Variants in ADCY2 observed in about 807,000 individuals in gnomAD.
ADCY2 encodes the protein adenylate cyclase type 2.
In ADCY2, 31 loss-of-function variants were observed where a neutral mutation model predicts 125.2. That is an observed-to-expected ratio of 0.25 (90% CI 0.19 to 0.33). The LOEUF (loss-of-function observed/expected upper bound fraction) is 0.33. Ranked by LOEUF, ADCY2 falls within the 10% of genes least tolerant of loss-of-function variation. The pLI, the probability that ADCY2 is intolerant of heterozygous loss-of-function variation, is 1.00. For synonymous variants in ADCY2, 512 were observed against 548.4 expected (o/e 0.93, Z 0.93); for missense variants, 904 against 1,418.2 (o/e 0.64, Z 5.82).
intron 2 of ADCY2, among the ~76,000 whole-genome samples, chr5:7,416,003 C>T (rs752352352): frequency 1.3e-4 from 19 of 151,992 alleles, no homozygotes; most frequent in Non-Finnish European, 2.5e-4. Context: ...AATAGAGGAG[C>T]CATGATGGGG....
intron 3 of ADCY2, among the ~76,000 whole-genome samples, chr5:7,615,140 AG>A (rs1428310906): frequency 8.5e-5 from 13 of 152,182 alleles, no homozygotes; most frequent in Middle Eastern, 3.2e-3. Context: ...CACTATCACA[AG>A]AACAGCAAGG....
chr5:7,411,663 AAGAG>A lies in ADCY2; in HGVS notation c.211-2904_211-2901del, dbSNP rs1284646022. On this transcript the variant is annotated intron_variant, in intron 1 of 24. Coordinates refer to ENST00000338316, the MANE Select transcript of ADCY2 (RefSeq NM_020546.3). ...CATCTCGGGGATCTGATTTTTAAAAAAGAGAGAGAAAAAATAGAGAGTTTACAAT... is the reference window on the plus strand; with the variant it reads ...CATCTCGGGGATCTGATTTTTAAAAAAGAGAAAAAATAGAGAGTTTACAAT... Among the ~76,000 whole-genome samples the A allele has an allele frequency of 3.9e-5, 6 of 152,318 alleles. No homozygotes were observed. The Middle Eastern group carries it at 0.01, about 259-fold the overall frequency.
In ADCY2 at chr5:7,698,116, C is replaced by G. The variant is rs535441293; in HGVS notation, c.982-131C>G. ...GGTTGAGTAATGAAGGGAAGCCCAA[C>G]TGGTTCTCATTGCTCTCTCCAGATG... On this transcript the variant is annotated intron_variant, in intron 6 of 24. Transcript: ENST00000338316. 5 of 1,080,312 alleles carry G rather than the reference C, an allele frequency of 4.6e-6. No individual in the cohort carries two copies. In the South Asian group the frequency reaches 7.6e-5, roughly 16 times the overall value. The allele number at this position is 1,080,312 out of a possible 1,614,324, so 66.9% of individuals were successfully genotyped here. A position where few individuals can be genotyped will look rare whatever the true frequency, so the allele number is the denominator to read the frequency against.
intron 2 of ADCY2, among the ~76,000 whole-genome samples, chr5:7,492,451 G>A (rs965361215): frequency 1.6e-4 from 24 of 152,184 alleles, no homozygotes; most frequent in African/African-American, 5.8e-4. Flanking sequence ...CCAGCCCCTG[G>A]GAGCTCAGTT....
intron 22 of ADCY2, among the ~76,000 whole-genome samples, chr5:7,810,452 G>T (rs1001517227): frequency 3.3e-5 from 5 of 151,084 alleles, no homozygotes; most frequent in Non-Finnish European, 7.4e-5. Flanking sequence ...CTACCTAGTT[G>T]GTGGGTTTTC....
Position 7,447,215 on chromosome 5 carries a change from C to T in ADCY2, c.408+32445C>T, listed in dbSNP as rs544979737. 7.9e-5 allele frequency among the ~76,000 whole-genome samples: 12 copies of T among 152,248 alleles called. No homozygotes were observed. The South Asian group carries it at 2.5e-3, about 32-fold the overall frequency. ...CCAGAACAAAATCCCCCAAGCTCTT[C>T]TGCAACTCTCGGGTCTCTCCTGTGG... On this transcript the variant is annotated intron_variant, in intron 2 of 24. Transcript: ENST00000338316.
intron 4 of ADCY2, among the ~76,000 whole-genome samples, chr5:7,638,659 C>G (rs1168688612): frequency 6.6e-6 from 1 of 152,218 alleles, no homozygotes; most frequent in African/African-American, 2.4e-5. Context: ...TGGAATGCAG[C>G]AGCCATTTCA....
At chr5:7,455,695 AATT>A (rs922090306) in intron 2 of ADCY2, among the ~76,000 whole-genome samples, 20 of 146,710 alleles carry the variant, frequency 1.4e-4, no homozygotes, top group African/African-American at 2.8e-4. Context: ...TTGTTATATC[AATT>A]ATTAACATAA....
At chr5:7,606,508 A>G (rs1031755181) in intron 3 of ADCY2, among the ~76,000 whole-genome samples, 3 of 152,240 alleles carry the variant, frequency 2.0e-5, no homozygotes, top group Admixed American at 6.5e-5. Context: ...AGATTATTTT[A>G]CATTTAAATC....
intron 3 of ADCY2, among the ~76,000 whole-genome samples, chr5:7,625,760 C>G (rs73050146): frequency 0.045 from 6,921 of 152,270 alleles, 503 homozygotes; most frequent in African/African-American, 0.16. Context: ...CCATGTGTCT[C>G]TCATCCTGGG....
chr5:7,533,970 CTG>C (rs1224344778), intron 3 of ADCY2, among the ~76,000 whole-genome samples: 1 of 152,174 alleles, frequency 6.6e-6, no homozygotes, highest in Non-Finnish European at 1.5e-5. Flanking sequence ...GAGATGCTGA[CTG>C]TGGGATCTTC....
intron 1 of ADCY2, among the ~76,000 whole-genome samples, chr5:7,402,433 GTTCCT>G (rs1292342723): frequency 6.6e-6 from 1 of 152,222 alleles, no homozygotes; most frequent in Non-Finnish European, 1.5e-5. Flanking sequence ...GTTAGACATA[GTTCCT>G]TTGGTTCCCG....
chr5:7,529,010 A>G (rs972372727), intron 3 of ADCY2, among the ~76,000 whole-genome samples: 1 of 152,230 alleles, frequency 6.6e-6, no homozygotes, highest in Non-Finnish European at 1.5e-5. Context: ...GCTAAGTTAT[A>G]TGAACTGAAG....
intron 3 of ADCY2, among the ~76,000 whole-genome samples, chr5:7,568,538 G>A (rs1160178273): frequency 2.0e-5 from 3 of 152,034 alleles, no homozygotes; most frequent in Non-Finnish European, 4.4e-5. Context: ...ATTTCTCACT[G>A]GGAGTGAAAA....
intron 4 of ADCY2, 73 bp from the exon 5 acceptor site, chr5:7,690,618 G>C (rs1479638408): frequency 7.6e-7 from 1 of 1,322,290 alleles, no homozygotes. Context: ...AATCAGTGAG[G>C]ATCTCCAATG....
intron 4 of ADCY2, among the ~76,000 whole-genome samples, chr5:7,653,795 C>CT (rs1178597264): frequency 3.3e-5 from 5 of 152,150 alleles, no homozygotes; most frequent in East Asian, 1.9e-4. Flanking sequence ...GCAATTGACA[C>CT]TTTTTTTCCC....
intron 4 of ADCY2, among the ~76,000 whole-genome samples, chr5:7,661,497 A>C (rs1739529889): frequency 6.6e-6 from 1 of 152,232 alleles, no homozygotes; most frequent in Admixed American, 6.5e-5. Context: ...CTCCCAATCA[A>C]AAGGTATGTT....
At chr5:7,707,864 GA>G in intron 9 of ADCY2, 26 bp downstream of exon 9, 1 of 1,604,276 alleles carries the variant, frequency 6.2e-7, no homozygotes, top group East Asian at 2.2e-5. Context: ...AAGAGTCTAT[GA>G]TGAAAAGGGA....
rs563535490 is a variant in ADCY2, at chr5:7,804,797, G to A, written c.2883+105G>A. The A allele has an allele frequency of 9.8e-5, 79 of 805,218 alleles. No homozygotes were observed. In the African/African-American group the frequency reaches 1.1e-3, roughly 12 times the overall value. 49.9% of individuals were successfully genotyped at this position (805,218 alleles called of 1,614,324 possible). On this transcript the variant is annotated intron_variant, in intron 22 of 24. Coordinates refer to ENST00000338316, the MANE Select transcript of ADCY2 (RefSeq NM_020546.3). The stretch of plus-strand genomic sequence containing the variant: ...AAATGCCCCAAGAACTGTATATTTT[G>A]TACAACCTAAAGCTCAGGGTCAAGG...
Sources: gnomAD v4.1 joint callset for allele counts (sites outside exome capture counted in the v4.1 genomes callset) on GRCh38, gnomAD v4.1.1 for gene constraint, MANE v1.5 for transcripts, NCBI Gene and HGNC (gene_info 2026-07-23, HGNC 2026-07-21) for gene names.